The following RAB3B variants were observed in gnomAD, a reference collection of about 807,000 sequenced individuals.
The protein encoded by RAB3B is RAB3B, member RAS oncogene family, also known as ras-related protein Rab-3B.
Under a neutral mutation model 20.5 loss-of-function variants are expected in RAB3B, and 11 were observed. That is an observed-to-expected ratio of 0.54 (90% CI 0.34 to 0.89). The LOEUF (loss-of-function observed/expected upper bound fraction) is 0.89. RAB3B is among the 40% of genes least tolerant of loss of function. RAB3B has a pLI of 0.02. For missense variants in RAB3B, 225 were observed against 280.9 expected, an observed-to-expected ratio of 0.80 and a Z score of 1.42; for synonymous variants, 99 against 106.3, an observed-to-expected ratio of 0.93 and a Z score of 0.42.
At position 51,912,672 on chromosome 1, in the gene RAB3B, C is replaced by T. The variant is rs1266103730; in HGVS notation, c.*7255G>A. 4 of 144,702 alleles carry T rather than the reference C, an allele frequency of 2.8e-5. No homozygotes were observed. In the East Asian group the frequency reaches 7.9e-4, roughly 29 times the overall value. 9.0% of individuals were successfully genotyped at this position (144,702 alleles called of 1,614,324 possible). On this transcript the variant is annotated 3_prime_UTR_variant, in exon 5 of 5. Transcript: ENST00000371655. ...TACGTAAGTAGGGAAATGTTAGGAA[C>T]TCTGTGGTAGCTCTCTAGGGCAGAA...
chr1:51,930,268 C>T (rs1255714216), intron 4 of RAB3B, among the ~76,000 whole-genome samples: 3 of 152,184 alleles, frequency 2.0e-5, no homozygotes, highest in African/African-American at 7.2e-5. Context: ...GTTATTTAAC[C>T]TCTCTGAACC....
chr1:51,941,500 G>T (rs180923597), intron 2 of RAB3B, among the ~76,000 whole-genome samples: 1 of 152,280 alleles, frequency 6.6e-6, no homozygotes, highest in East Asian at 1.9e-4. Context: ...GGTAACAACA[G>T]GCATAGAGTA....
chr1:51,981,950 C>CTT (rs1685094193), intron 1 of RAB3B, among the ~76,000 whole-genome samples: 1 of 152,108 alleles, frequency 6.6e-6, no homozygotes, highest in African/African-American at 2.4e-5. Flanking sequence ...ACTTACTACA[C>CTT]TTTTTATTGT....
Position 51,976,981 on chromosome 1 carries a change from G to A in RAB3B, c.137C>T (p.Thr46Met), listed in dbSNP as rs755679595. Residue 46 changes from threonine (T) to methionine (M), a missense_variant, in exon 2 of 5, where the codon ACG becomes ATG. Coordinates refer to ENST00000371655, the MANE Select transcript of RAB3B (RefSeq NM_002867.4). ...GGTGCTAACGAAGGCTGGGGTGAAC[G>A]TGTCATCAGCATAGCGGAAGAGGAA... ...TSFLFRYADD[T>M]FTPAFVSTVG... 16 of 1,614,084 alleles carry A rather than the reference G, an allele frequency of 9.9e-6. No individual in the cohort carries two copies. The highest frequency in any genetic ancestry group is 6.6e-5 in the South Asian group (6 of 91,090).
chr1:51,969,123 T>C (rs927643690), intron 2 of RAB3B, among the ~76,000 whole-genome samples: 2 of 152,166 alleles, frequency 1.3e-5, no homozygotes, highest in African/African-American at 4.8e-5. Context: ...GACAAAACCC[T>C]GTCTCTACAA....
intron 2 of RAB3B, among the ~76,000 whole-genome samples, chr1:51,959,344 C>A (rs937929867): frequency 6.6e-6 from 1 of 151,998 alleles, no homozygotes; most frequent in Non-Finnish European, 1.5e-5. Flanking sequence ...AAAACTGAGA[C>A]CCTGTCTCTA....
Position 51,919,955 on chromosome 1 carries a change from G to A in RAB3B, c.632C>T (p.Pro211Leu), listed in dbSNP as rs766991334. ...SKNTRLSDTP[P>L]LLQQNCSC The stretch of plus-strand genomic sequence containing the variant: ...GCATGAGCAGTTCTGCTGCAGCAGC[G>A]GTGGGGTGTCCGAGAGACGCGTGTT... Residue 211 changes from proline (P) to leucine (L), a missense_variant, in exon 5 of 5, where the codon CCG becomes CTG. Coordinates refer to ENST00000371655, the MANE Select transcript of RAB3B (RefSeq NM_002867.4). The A allele has an allele frequency of 5.8e-5, 94 of 1,613,784 alleles. No homozygotes were observed. In the Admixed American group the frequency reaches 6.0e-4, roughly 10 times the overall value.
In RAB3B at chr1:51,908,265, G is replaced by A. The variant is rs781669464; in HGVS notation, c.*11662C>T. On this transcript the variant is annotated 3_prime_UTR_variant, in exon 5 of 5. Transcript: ENST00000371655. ...TAGTTAGAATCTGATGAGGAGAGACGTGAGAGCTATTGTTCCTCTCTCTGC... is the reference window on the plus strand; with the variant it reads ...TAGTTAGAATCTGATGAGGAGAGACATGAGAGCTATTGTTCCTCTCTCTGC... The A allele has an allele frequency of 1.3e-5, 2 of 152,164 alleles. No homozygotes were observed. Among genetic ancestry groups the A allele is most frequent in the African/African-American group, 2.4e-5 (1 of 41,548 alleles). 9.4% of individuals were successfully genotyped at this position (152,164 alleles called of 1,614,324 possible).
At chr1:51,920,471 C>T (rs368374499) in intron 4 of RAB3B, among the ~76,000 whole-genome samples, 51 of 151,070 alleles carry the variant, frequency 3.4e-4, no homozygotes, top group Non-Finnish European at 6.6e-4. Context: ...AAATATATAA[C>T]CCTGTGCCTG....
At chr1:51,962,882 ATGT>A (rs1684802364) in intron 2 of RAB3B, among the ~76,000 whole-genome samples, 1 of 152,032 alleles carries the variant, frequency 6.6e-6, no homozygotes, top group Non-Finnish European at 1.5e-5. Context: ...GGTGGGATAG[ATGT>A]TGTTGCTTCT....
At chr1:51,948,630 C>T (rs558962100) in intron 2 of RAB3B, among the ~76,000 whole-genome samples, 1 of 152,292 alleles carries the variant, frequency 6.6e-6, no homozygotes, top group South Asian at 2.1e-4. Context: ...AGAGAGCCTT[C>T]CTAGTGCCCT....
intron 2 of RAB3B, among the ~76,000 whole-genome samples, chr1:51,940,473 G>T (rs570103252): frequency 6.6e-6 from 1 of 152,008 alleles, no homozygotes; most frequent in Non-Finnish European, 1.5e-5. Context: ...AAATACAAAA[G>T]TTAGCCAGGT....
chr1:51,932,290 T>A (rs2124248419), intron 4 of RAB3B, among the ~76,000 whole-genome samples: 1 of 152,286 alleles, frequency 6.6e-6, no homozygotes, highest in Non-Finnish European at 1.5e-5. Context: ...ACACTAAGGA[T>A]GTGAGATATA....
At chr1:51,929,212 G>A (rs978232695) in intron 4 of RAB3B, among the ~76,000 whole-genome samples, 1 of 152,144 alleles carries the variant, frequency 6.6e-6, no homozygotes, top group East Asian at 1.9e-4. Context: ...AACTCCCCAC[G>A]CAGAGAGTCT....
At chr1:51,949,116 C>A (rs1183854446) in intron 2 of RAB3B, among the ~76,000 whole-genome samples, 1 of 152,236 alleles carries the variant, frequency 6.6e-6, no homozygotes, top group African/African-American at 2.4e-5. Flanking sequence ...GGCTTCCCTG[C>A]TAGTTCCTTT....
rs776686204 is a variant in RAB3B, at chr1:51,933,301, A to T, written c.472+17T>A. ...TGTACAAATGCACACATGCACATAC[A>T]TGTGTCATGTACATACCAAGCTGCT... On this transcript the variant is annotated intron_variant, in intron 4 of 4. Transcript: ENST00000371655. 103 of 1,612,604 alleles carry T rather than the reference A, an allele frequency of 6.4e-5. 1 individual carries two copies. In the East Asian group the frequency reaches 1.5e-3, roughly 23 times the overall value.
rs1450137311 is a variant in RAB3B at position 51,916,003 on chromosome 1, GT to G, written c.*3923del. 9 of 152,228 alleles carry G rather than the reference GT, an allele frequency of 5.9e-5. No homozygotes were observed. The highest frequency in any genetic ancestry group is 2.2e-4 in the African/African-American group (9 of 41,460). The allele number at this position is 152,228 out of a possible 1,614,324, so 9.4% of individuals were successfully genotyped here. Reference sequence around the variant, plus strand: ...TGCTGCGCCCAGCCAGAAGTCAAGAGTTTTTAAATATTTTATTTGGATTGTT... The same window carrying G: ...TGCTGCGCCCAGCCAGAAGTCAAGAGTTTTAAATATTTTATTTGGATTGTT... On this transcript the variant is annotated 3_prime_UTR_variant, in exon 5 of 5. Coordinates refer to ENST00000371655, the MANE Select transcript of RAB3B (RefSeq NM_002867.4).
chr1:51,976,151 A>AATTTATTT (rs113552260), intron 2 of RAB3B, among the ~76,000 whole-genome samples: 248 of 150,552 alleles, frequency 1.6e-3, no homozygotes, highest in South Asian at 4.9e-3. Context: ...TGACACTACC[A>AATTTATTT]ATTTATTTAT....
intron 2 of RAB3B, among the ~76,000 whole-genome samples, chr1:51,971,689 C>T (rs34083138): frequency 6.6e-6 from 1 of 152,104 alleles, no homozygotes; most frequent in Admixed American, 6.5e-5. Context: ...ACCTCAGCCT[C>T]CCAAAGTGCC....
Sources: gnomAD v4.1 joint callset for allele counts (sites outside exome capture counted in the v4.1 genomes callset) on GRCh38, gnomAD v4.1.1 for gene constraint, MANE v1.5 for transcripts, NCBI Gene and HGNC (gene_info 2026-07-23, HGNC 2026-07-21) for gene names.